Variants in GMDS observed in about 807,000 individuals in gnomAD.
GMDS encodes GDP-mannose 4,6 dehydratase.
In GMDS, 20 loss-of-function variants were observed where a neutral mutation model predicts 49.9. That is an observed-to-expected ratio of 0.40 (90% CI 0.28 to 0.58). The LOEUF (loss-of-function observed/expected upper bound fraction) is 0.58, where lower values mean the gene tolerates loss of function less well. Among genes scored for constraint, GMDS ranks in the 20% least tolerant of loss-of-function variants. The pLI is 0.42. For missense variants in GMDS, 362 were observed against 481.4 expected (o/e 0.75, Z 2.32); for synonymous variants, 177 against 178.6 (o/e 0.99, Z 0.07).
At chr6:1,944,669 C>CAA (rs56229524) in intron 6 of GMDS, among the ~76,000 whole-genome samples, 62 of 101,026 alleles carry the variant, frequency 6.1e-4, no homozygotes, top group Non-Finnish European at 7.2e-4. Flanking sequence ...GACTCCGTCT[C>CAA]AAAAAAAAAA....
chr6:1,702,559 G>A (rs540792886), intron 9 of GMDS, among the ~76,000 whole-genome samples: 94 of 152,246 alleles, frequency 6.2e-4, no homozygotes, highest in Admixed American at 1.4e-3. Context: ...TCATTCCATA[G>A]GGAAGATAAC....
At chr6:1,880,127 T>G (rs1039933027) in intron 7 of GMDS, among the ~76,000 whole-genome samples, 4 of 151,764 alleles carry the variant, frequency 2.6e-5, no homozygotes, top group Non-Finnish European at 4.4e-5. Flanking sequence ...AAGAGGAAGG[T>G]AAAGTCACAA....
At chr6:1,872,035 C>T (rs1758786331) in intron 7 of GMDS, among the ~76,000 whole-genome samples, 1 of 152,232 alleles carries the variant, frequency 6.6e-6, no homozygotes, top group Admixed American at 6.5e-5. Flanking sequence ...CCTCCTTTCC[C>T]TATTACTGGA....
At chr6:1,795,671 G>A (rs1370298574) in intron 7 of GMDS, among the ~76,000 whole-genome samples, 2 of 152,138 alleles carry the variant, frequency 1.3e-5, no homozygotes, top group East Asian at 3.8e-4. Flanking sequence ...GTTCAAAACA[G>A]AAAGTTCACA....
chr6:1,918,978 C>T (rs1761565751), intron 7 of GMDS, among the ~76,000 whole-genome samples: 1 of 152,148 alleles, frequency 6.6e-6, no homozygotes, highest in African/African-American at 2.4e-5. Flanking sequence ...ATTCTGGGGG[C>T]AATGTCTTGT....
intron 9 of GMDS, among the ~76,000 whole-genome samples, chr6:1,674,115 G>A (rs1179821100): frequency 1.3e-5 from 2 of 150,440 alleles, no homozygotes; most frequent in East Asian, 3.9e-4. Context: ...TTCGTGCAAA[G>A]TGTCTAAACC....
chr6:2,157,393 G>A (rs1364646524), intron 1 of GMDS, among the ~76,000 whole-genome samples: 1 of 152,188 alleles, frequency 6.6e-6, no homozygotes, highest in African/African-American at 2.4e-5. Context: ...AATTTCTGCG[G>A]TAGAATGCAA....
At chr6:2,087,355 T>C (rs762313728) in intron 4 of GMDS, among the ~76,000 whole-genome samples, 24 of 152,250 alleles carry the variant, frequency 1.6e-4, no homozygotes, top group Non-Finnish European at 3.2e-4. Context: ...TGTAGATTTA[T>C]TTACTTAAGT....
chr6:2,179,570 T>C (rs1469018338), intron 1 of GMDS, among the ~76,000 whole-genome samples: 1 of 152,234 alleles, frequency 6.6e-6, no homozygotes, highest in East Asian at 1.9e-4. Flanking sequence ...CTAGGCACCA[T>C]CTTGGAAGTA....
At chr6:1,837,688 T>C (rs1026235280) in intron 7 of GMDS, among the ~76,000 whole-genome samples, 4 of 152,154 alleles carry the variant, frequency 2.6e-5, no homozygotes, top group African/African-American at 7.2e-5. Context: ...CTGACTGCCA[T>C]AGGGGCCAAA....
At chr6:1,850,630 A>C (rs1348242534) in intron 7 of GMDS, among the ~76,000 whole-genome samples, 3 of 152,226 alleles carry the variant, frequency 2.0e-5, no homozygotes, top group African/African-American at 7.2e-5. Context: ...GCATTAATTT[A>C]AAAAGGGAAC....
chr6:2,144,295 G>A (rs1373208678), intron 1 of GMDS, among the ~76,000 whole-genome samples: 5 of 152,180 alleles, frequency 3.3e-5, no homozygotes, highest in Non-Finnish European at 5.9e-5. Context: ...AGAGGCTCAG[G>A]AATCAGCTGA....
At chr6:2,225,775 C>T (rs997872948) in intron 1 of GMDS, among the ~76,000 whole-genome samples, 3 of 152,184 alleles carry the variant, frequency 2.0e-5, no homozygotes, top group African/African-American at 7.2e-5. Context: ...CAGAAAAGGG[C>T]CAGCTTCCAT....
intron 4 of GMDS, among the ~76,000 whole-genome samples, chr6:2,047,841 A>T (rs1401895516): frequency 6.6e-6 from 1 of 152,136 alleles, no homozygotes; most frequent in Admixed American, 6.6e-5. Context: ...CATATTAAAT[A>T]TTTTTTTAAA....
At chr6:1,624,717 T>A (rs547424428) in intron 9 of GMDS, 177 bp from the exon 10 acceptor site, 1 of 599,480 alleles carries the variant, frequency 1.7e-6, no homozygotes, top group African/African-American at 1.9e-5. Flanking sequence ...CGTAAATCAC[T>A]AGGTCGCGGT....
intron 9 of GMDS, among the ~76,000 whole-genome samples, chr6:1,695,503 A>G (rs1340757246): frequency 6.6e-6 from 1 of 152,202 alleles, no homozygotes; most frequent in Non-Finnish European, 1.5e-5. Context: ...GGTGACAGTG[A>G]CATACAGGGC....
chr6:2,229,408 C>CA (rs1210456971), intron 1 of GMDS, among the ~76,000 whole-genome samples: 43,558 of 89,278 alleles, frequency 0.49, 9,179 homozygotes, highest in East Asian at 0.61. Flanking sequence ...CCTGTTTCTA[C>CA]AAAAAAAAAA....
rs549274894 is a variant in GMDS at position 2,063,729 on chromosome 6, G to C, written c.345+52042C>G. On this transcript the variant is annotated intron_variant, in intron 4 of 10. Transcript: ENST00000380815. ...CTAGAGGGAACAAAGCATTCGTGGA[G>C]CCCAAGGTCTCGGCAGCCCTAAATA... Among the ~76,000 whole-genome samples, 4 of 152,254 alleles carry C rather than the reference G, an allele frequency of 2.6e-5. No homozygotes were observed. In the South Asian group the frequency reaches 6.2e-4, roughly 24 times the overall value.
chr6:2,234,662 A>G (rs1193519554), intron 1 of GMDS, among the ~76,000 whole-genome samples: 2 of 152,180 alleles, frequency 1.3e-5, no homozygotes, highest in African/African-American at 4.8e-5. Flanking sequence ...TTGAAAAGAC[A>G]TAAATTTTCT....
Sources: gnomAD v4.1 joint callset for allele counts (sites outside exome capture counted in the v4.1 genomes callset) on GRCh38, gnomAD v4.1.1 for gene constraint, MANE v1.5 for transcripts, NCBI Gene and HGNC (gene_info 2026-07-23, HGNC 2026-07-21) for gene names.